The following COLEC10 variants were observed in gnomAD, a reference collection of about 807,000 sequenced individuals.
COLEC10 encodes the protein collectin-10.
A neutral mutation model predicts 28.4 loss-of-function variants in COLEC10; 22 were observed. That is an observed-to-expected ratio of 0.78 (90% CI 0.55 to 1.11). COLEC10 has a LOEUF of 1.11. Ranked by LOEUF, COLEC10 falls within the 50% of genes least tolerant of loss-of-function variation. The pLI, the probability that COLEC10 is intolerant of heterozygous loss-of-function variation, is 0.00. For synonymous variants in COLEC10, 125 were observed against 116.1 expected (o/e 1.08, Z -0.49); for missense variants, 361 against 344.1 (o/e 1.05, Z -0.39).
chr8:118,986,477 T>C, the COLEC10 span, among the ~76,000 whole-genome samples: 1 of 151,930 alleles, frequency 6.6e-6, no homozygotes, highest in African/African-American at 2.4e-5. Flanking sequence ...CAAAAGAACA[T>C]AAAGAGCATG....
chr8:118,960,786 A>G, the COLEC10 span, among the ~76,000 whole-genome samples: 74 of 30,656 alleles, frequency 2.4e-3, no homozygotes, highest in African/African-American at 0.014. Context: ...AGACTCTGTG[A>G]AAAAAAAAAA....
At position 119,107,075 on chromosome 8, in the gene COLEC10, T is replaced by G. The variant is rs566720145; in HGVS notation, c.*884T>G. Among the ~76,000 whole-genome samples, 267 of 152,338 alleles carry G rather than the reference T, an allele frequency of 1.8e-3. No homozygotes were observed. The highest frequency in any genetic ancestry group is 3.3e-3 in the Admixed American group (50 of 15,294). On this transcript the variant is annotated 3_prime_UTR_variant, in exon 6 of 6. Transcript: ENST00000332843. Reference sequence around the variant, plus strand: ...TATCTTAGGTTTACCTGCATCAATTTTATTCACCTTAGGCATAGGGAATGA... The same window carrying G: ...TATCTTAGGTTTACCTGCATCAATTGTATTCACCTTAGGCATAGGGAATGA...
At chr8:119,074,334 G>T (rs1399270730) in intron 1 of COLEC10, among the ~76,000 whole-genome samples, 2 of 151,926 alleles carry the variant, frequency 1.3e-5, no homozygotes, top group Non-Finnish European at 2.9e-5. Flanking sequence ...AGTATACCCA[G>T]TTTTCCATGA....
At chr8:119,065,722 G>A (rs765268473), upstream of COLEC10, among the ~76,000 whole-genome samples, 2 of 151,874 alleles carry the variant, frequency 1.3e-5, no homozygotes, top group Non-Finnish European at 2.9e-5. Context: ...GCCAGGTGCA[G>A]TGGTGTACAC....
Position 119,091,210 on chromosome 8 carries a change from TG to T in COLEC10, c.285del (p.Lys96ArgfsTer47). 6.2e-7 allele frequency: 1 copy of T among 1,611,922 alleles called. No homozygotes were observed. The highest frequency in any genetic ancestry group is 1.1e-5 in the South Asian group (1 of 90,812). ...GCAATATTGGCAAGACTGGGCCCAT[TG>T]GGAAGAAGGGTAAGTTGCATCTTAC... Reference protein sequence around the residue: ...QGNIGKTGPIGKKGDKGEKGL... With the variant: ...QGNIGKTGPIXKKGDKGEKGL... On this transcript the variant is annotated frameshift_variant, in exon 3 of 6. Coordinates refer to ENST00000332843, the MANE Select transcript of COLEC10 (RefSeq NM_006438.5). LOFTEE classifies it high-confidence loss of function.
At chr8:119,094,771 A>G (rs1238546726) in intron 3 of COLEC10, among the ~76,000 whole-genome samples, 1 of 152,236 alleles carries the variant, frequency 6.6e-6, no homozygotes, top group African/African-American at 2.4e-5. Context: ...ATACTACTCC[A>G]GAAAACACTT....
chr8:119,028,434 G>A (rs1814232164), intron 2 of COLEC10, among the ~76,000 whole-genome samples: 1 of 152,242 alleles, frequency 6.6e-6, no homozygotes, highest in East Asian at 1.9e-4. Flanking sequence ...TGGCTGGGGA[G>A]GCCTCAGAAT....
intron 2 of COLEC10, among the ~76,000 whole-genome samples, chr8:119,021,909 G>A (rs781290128): frequency 6.6e-6 from 1 of 152,108 alleles, no homozygotes; most frequent in African/African-American, 2.4e-5. Context: ...ATGATTACAT[G>A]TAAGTGAATG....
intron 3 of COLEC10, among the ~76,000 whole-genome samples, chr8:119,096,918 C>T (rs1039302510): frequency 5.3e-5 from 8 of 151,980 alleles, no homozygotes; most frequent in Non-Finnish European, 1.2e-4. Flanking sequence ...AACTCTTATA[C>T]TTTGCTTCAC....
the COLEC10 span, among the ~76,000 whole-genome samples, chr8:118,961,300 T>A: frequency 1.3e-5 from 2 of 152,242 alleles, no homozygotes; most frequent in Non-Finnish European, 2.9e-5. Flanking sequence ...TGGTTCATCA[T>A]ATTTTGTTAG....
At chr8:119,102,160 A>T (rs1815841918) in intron 3 of COLEC10, among the ~76,000 whole-genome samples, 188 bp from the exon 4 acceptor site, 1 of 152,240 alleles carries the variant, frequency 6.6e-6, no homozygotes, top group African/African-American at 2.4e-5. Context: ...AGCTGTAGAT[A>T]TTGCAAATAC....
chr8:119,094,194 G>A (rs1258383685), intron 3 of COLEC10, among the ~76,000 whole-genome samples: 1 of 152,114 alleles, frequency 6.6e-6, no homozygotes, highest in African/African-American at 2.4e-5. Flanking sequence ...CCCACGAAAT[G>A]TGTGGGCTGT....
intron 2 of COLEC10, among the ~76,000 whole-genome samples, chr8:119,024,664 T>C (rs1011076229): frequency 2.4e-4 from 37 of 152,106 alleles, no homozygotes; most frequent in African/African-American, 8.0e-4. Context: ...CTTCATTGAA[T>C]GTTCAGATGA....
intron 2 of COLEC10, among the ~76,000 whole-genome samples, chr8:119,043,007 T>G (rs138949101): frequency 2.0e-5 from 3 of 152,160 alleles, no homozygotes; most frequent in African/African-American, 7.2e-5. Context: ...TCTCCCAGGC[T>G]CAGCCAGATG....
chr8:119,062,784 T>C (rs950055178), upstream of COLEC10, among the ~76,000 whole-genome samples: 1 of 152,162 alleles, frequency 6.6e-6, no homozygotes. Flanking sequence ...CTAGCCTTGA[T>C]TTTTTAAATG....
chr8:119,103,914 G>T lies in COLEC10; in HGVS notation c.442+19G>T, dbSNP rs1415636909. On this transcript the variant is annotated intron_variant, in intron 5 of 5. Transcript: ENST00000332843. ...AAGAATGGTGAGCATATTCTCTTTT[G>T]TGTTATGTATCTATTGATAGATCTC... 6.8e-7 allele frequency: 1 copy of T among 1,471,786 alleles called. No homozygotes were observed. Among genetic ancestry groups the T allele is most frequent in the Non-Finnish European group, 9.5e-7 (1 of 1,051,220 alleles). The allele number at this position is 1,471,786 out of a possible 1,614,324, so 91.2% of individuals were successfully genotyped here. A position where few individuals can be genotyped will look rare whatever the true frequency, so the allele number is the denominator to read the frequency against.
At chr8:119,030,241 A>T (rs1411634141) in intron 2 of COLEC10, among the ~76,000 whole-genome samples, 2 of 152,164 alleles carry the variant, frequency 1.3e-5, no homozygotes, top group Non-Finnish European at 2.9e-5. Flanking sequence ...TTATGTTTTT[A>T]CTCCAATAAG....
chr8:119,063,800 G>T (rs760192965), upstream of COLEC10, among the ~76,000 whole-genome samples: 26 of 151,596 alleles, frequency 1.7e-4, no homozygotes, highest in Non-Finnish European at 3.8e-4. Flanking sequence ...TTAATGACAT[G>T]TCATATTTGG....
At chr8:119,091,940 G>A (rs1815612836) in intron 3 of COLEC10, among the ~76,000 whole-genome samples, 1 of 152,114 alleles carries the variant, frequency 6.6e-6, no homozygotes, top group Admixed American at 6.5e-5. Flanking sequence ...AAAATAGGCA[G>A]AGGACAGTAA....
Sources: gnomAD v4.1 joint callset for allele counts (sites outside exome capture counted in the v4.1 genomes callset) on GRCh38, gnomAD v4.1.1 for gene constraint, MANE v1.5 for transcripts, NCBI Gene and HGNC (gene_info 2026-07-23, HGNC 2026-07-21) for gene names.